The following GRIK4 variants were observed in gnomAD, a reference collection of about 807,000 sequenced individuals.
The protein encoded by GRIK4 is glutamate receptor ionotropic, kainate 4.
In GRIK4, 40 loss-of-function variants were observed where a neutral mutation model predicts 104.9. That is an observed-to-expected ratio of 0.38 (90% CI 0.30 to 0.50). GRIK4 has a LOEUF of 0.50. GRIK4 is among the 20% of genes least tolerant of loss of function. The pLI, the probability that GRIK4 is intolerant of heterozygous loss-of-function variation, is 0.93. For synonymous variants in GRIK4, 485 were observed against 524.9 expected, an observed-to-expected ratio of 0.92 and a Z score of 1.04; for missense variants, 1,047 against 1,308.1, an observed-to-expected ratio of 0.80 and a Z score of 3.08.
At chr11:120,757,393 T>C (rs1371443194) in intron 3 of GRIK4, among the ~76,000 whole-genome samples, 4 of 152,214 alleles carry the variant, frequency 2.6e-5, no homozygotes, top group Non-Finnish European at 4.4e-5. Flanking sequence ...TCTCTGAGCC[T>C]CACGTGCCTT....
intron 1 of GRIK4, among the ~76,000 whole-genome samples, chr11:120,532,166 T>C (rs1222396664): frequency 6.6e-6 from 1 of 152,142 alleles, no homozygotes; most frequent in Admixed American, 6.5e-5. Flanking sequence ...GGTGATTGCA[T>C]GGTCCCGATT....
chr11:120,929,019 GCA>G (rs1199564096), intron 13 of GRIK4, among the ~76,000 whole-genome samples: 1 of 118,084 alleles, frequency 8.5e-6, no homozygotes, highest in Admixed American at 8.0e-5. Context: ...GTGTGTGTGC[GCA>G]CATGTGTGTG....
chr11:120,531,582 C>CTTTT (rs58143284), intron 1 of GRIK4, among the ~76,000 whole-genome samples: 4 of 146,828 alleles, frequency 2.7e-5, no homozygotes, highest in African/African-American at 1.0e-4. Context: ...TTTTCTTTTT[C>CTTTT]TTTTTTTTTT....
At chr11:120,928,300 C>T (rs985545390) in intron 13 of GRIK4, among the ~76,000 whole-genome samples, 73 of 151,042 alleles carry the variant, frequency 4.8e-4, no homozygotes, top group African/African-American at 1.5e-3. Context: ...CTGGCTGCAA[C>T]GGGAAGAGGG....
intron 8 of GRIK4, among the ~76,000 whole-genome samples, chr11:120,844,845 A>T (rs1338929947): frequency 2.0e-5 from 3 of 152,190 alleles, no homozygotes; most frequent in African/African-American, 7.2e-5. Context: ...AGTGAGAGTG[A>T]TGTCAAAACC....
intron 3 of GRIK4, among the ~76,000 whole-genome samples, chr11:120,755,078 G>A (rs921662118): frequency 2.0e-5 from 3 of 152,174 alleles, no homozygotes; most frequent in Admixed American, 6.5e-5. Flanking sequence ...TTGGACTCTG[G>A]TAATTTGGAA....
At chr11:120,830,720 A>G (rs546807144) in intron 6 of GRIK4, among the ~76,000 whole-genome samples, 2 of 152,320 alleles carry the variant, frequency 1.3e-5, no homozygotes, top group Admixed American at 6.5e-5. Context: ...GAGATAAGCC[A>G]TGTAAAATGT....
At chr11:120,673,056 G>A (rs1259537331) in intron 3 of GRIK4, among the ~76,000 whole-genome samples, 1 of 152,182 alleles carries the variant, frequency 6.6e-6, no homozygotes, top group Admixed American at 6.5e-5. Context: ...GATATTGGCT[G>A]TGAGACCATC....
At chr11:120,529,625 G>A (rs1003440528) in intron 1 of GRIK4, among the ~76,000 whole-genome samples, 19 of 152,246 alleles carry the variant, frequency 1.2e-4, no homozygotes, top group African/African-American at 4.3e-4. Flanking sequence ...AGTGCTGTCT[G>A]TCACTTATCC....
intron 3 of GRIK4, among the ~76,000 whole-genome samples, chr11:120,685,275 G>A (rs1209493846): frequency 2.0e-5 from 3 of 152,160 alleles, no homozygotes; most frequent in African/African-American, 7.2e-5. Context: ...CTAAGAGAGT[G>A]TGAAAATCCA....
intron 8 of GRIK4, among the ~76,000 whole-genome samples, chr11:120,841,098 T>C (rs1168441873): frequency 6.6e-6 from 1 of 152,256 alleles, no homozygotes; most frequent in Non-Finnish European, 1.5e-5. Context: ...TTTGTATTAT[T>C]GTGGTGAAAT....
Position 120,513,205 on chromosome 11 carries a change from A to G in GRIK4, c.-159+1318A>G, listed in dbSNP as rs1394642033. ...CCAAGAGGTCTGAGGGCTGGTCAGG[A>G]GGACTGAGCCCTGCCAGGAACAAAG... On this transcript the variant is annotated intron_variant, in intron 1 of 20. Coordinates refer to ENST00000527524, the MANE Select transcript of GRIK4 (RefSeq NM_014619.5). This position sits in a 1 kb window ranked among gnomAD's most constrained non-coding sequence, Gnocchi z 4.5. Among the ~76,000 whole-genome samples the G allele has an allele frequency of 6.6e-6, 1 of 152,134 alleles. No individual in the cohort carries two copies. Among genetic ancestry groups the G allele is most frequent in the African/African-American group, 2.4e-5 (1 of 41,434 alleles).
At position 120,940,425 on chromosome 11, in the gene GRIK4, A is replaced by G; in HGVS notation, c.1555A>G (p.Thr519Ala). ...GATTGATTTCTCTAAGCCATTCATGACTCTGGGAATTAGCATTCTTTACCG... is the reference window on the plus strand; with the variant it reads ...GATTGATTTCTCTAAGCCATTCATGGCTCTGGGAATTAGCATTCTTTACCG... Reference protein sequence around the residue: ...KVIDFSKPFMTLGISILYRVH... With the variant: ...KVIDFSKPFMALGISILYRVH... The change falls in exon 14 of 21, where the codon ACT becomes GCT. Residue 519 changes from threonine (T) to alanine (A), a missense_variant. By Grantham distance (58) the Thr-to-Ala change is moderately conservative (BLOSUM62 0). Around this residue, in one of 3 missense-constraint regions of GRIK4, gnomAD observed 440 missense variants for 652.3 expected, o/e 0.67. Transcript: ENST00000527524. The surrounding 1 kb of genome is among the most constrained non-coding windows in gnomAD (Gnocchi z 4.3). 1 of 1,612,150 alleles carries G rather than the reference A, an allele frequency of 6.2e-7. No individual in the cohort carries two copies. Among genetic ancestry groups the G allele is most frequent in the South Asian group, 1.1e-5 (1 of 90,982 alleles).
chr11:120,813,882 G>A (rs2135531062), intron 4 of GRIK4, among the ~76,000 whole-genome samples: 1 of 152,274 alleles, frequency 6.6e-6, no homozygotes, highest in African/African-American at 2.4e-5. Flanking sequence ...GGATGCAGTG[G>A]GGAACCTCGA....
At chr11:120,547,200 G>C (rs1948093024) in intron 1 of GRIK4, among the ~76,000 whole-genome samples, 2 of 152,172 alleles carry the variant, frequency 1.3e-5, no homozygotes, top group South Asian at 4.1e-4. Flanking sequence ...GCCTCTCCTG[G>C]GAGCCTGTCC....
chr11:120,849,734 A>G (rs1262303378), intron 8 of GRIK4, among the ~76,000 whole-genome samples: 2 of 152,216 alleles, frequency 1.3e-5, no homozygotes, highest in East Asian at 3.9e-4. Context: ...CTCCCAGTCT[A>G]CATCTTGTAC....
intron 1 of GRIK4, among the ~76,000 whole-genome samples, chr11:120,639,227 C>T (rs1949439381): frequency 6.6e-6 from 1 of 152,058 alleles, no homozygotes. Context: ...AAAATAAAAG[C>T]AGAGGTCAGT....
Position 120,861,968 on chromosome 11 carries a change from C to T in GRIK4, c.754C>T (p.Leu252Phe), listed in dbSNP as rs184965111. 1.9e-5 allele frequency: 31 copies of T among 1,613,202 alleles called. No individual in the cohort carries two copies. Among genetic ancestry groups the T allele is most frequent in the Admixed American group, 1.3e-4 (8 of 60,024 alleles). The change falls in exon 9 of 21, where the codon CTC becomes TTC. Residue 252 changes from leucine (L) to phenylalanine (F), a missense_variant. This residue lies in a region of GRIK4 where 447 missense variants were observed against 514.9 expected (regional missense o/e 0.87). Transcript: ENST00000527524. ...TYIFTNLEFS[L>F]QRMDSLVDDR... is the part of the protein sequence containing the mutation. Reference sequence around the variant, plus strand: ...TGCTGGGTCTTTCCAGGAGTTCTCACTCCAGAGAATGGACAGCCTTGTGGA... The same window carrying T: ...TGCTGGGTCTTTCCAGGAGTTCTCATTCCAGAGAATGGACAGCCTTGTGGA...
intron 3 of GRIK4, among the ~76,000 whole-genome samples, chr11:120,679,979 T>C (rs1232784890): frequency 6.6e-6 from 1 of 152,242 alleles, no homozygotes; most frequent in Admixed American, 6.5e-5. Context: ...CTCCACTGCC[T>C]AGAATACTCT....
Sources: allele counts gnomAD v4.1 joint callset (sites outside exome capture counted in the v4.1 genomes callset), GRCh38; gene constraint gnomAD v4.1.1; regional missense constraint gnomAD v4.1.1; non-coding constraint Gnocchi (gnomAD v3.1); transcripts MANE v1.5; gene names NCBI Gene and HGNC (gene_info 2026-07-23, HGNC 2026-07-21).